The following RALY variants were observed in gnomAD, a reference collection of about 807,000 sequenced individuals.
RALY encodes the protein RALY heterogeneous nuclear ribonucleoprotein.
A neutral mutation model predicts 30.7 loss-of-function variants in RALY; 15 were observed. The ratio of observed to expected loss-of-function variants is 0.49; its 90% CI spans 0.33 to 0.75. The LOEUF (loss-of-function observed/expected upper bound fraction) is 0.75, where lower values mean the gene tolerates loss of function less well. RALY is among the 30% of genes least tolerant of loss of function. The pLI is 0.02. For missense variants in RALY, 339 were observed against 414.3 expected, an observed-to-expected ratio of 0.82 and a Z score of 1.58; for synonymous variants, 177 against 170.8, an observed-to-expected ratio of 1.04 and a Z score of -0.28.
chr20:34,044,027 G>A (rs753293847), intron 2 of RALY, among the ~76,000 whole-genome samples: 4 of 151,928 alleles, frequency 2.6e-5, no homozygotes, highest in Admixed American at 2.6e-4. Flanking sequence ...AATTATGAAG[G>A]GGAGACTGTA....
intron 2 of RALY, among the ~76,000 whole-genome samples, chr20:34,035,821 G>T (rs917010698): frequency 1.3e-5 from 2 of 152,152 alleles, no homozygotes; most frequent in African/African-American, 4.8e-5. Context: ...AAATAGCAGG[G>T]TAAGGGAATA....
At chr20:34,019,408 A>C (rs1189473539) in intron 1 of RALY, among the ~76,000 whole-genome samples, 5 of 152,032 alleles carry the variant, frequency 3.3e-5, no homozygotes, top group Non-Finnish European at 5.9e-5. Flanking sequence ...CAACCTAGTG[A>C]GATGCCTGGT....
In RALY at chr20:34,020,114, A is replaced by G. The variant is rs185032389; in HGVS notation, c.-92-11408A>G. Among the ~76,000 whole-genome samples, 19 of 152,322 alleles carry G rather than the reference A, an allele frequency of 1.2e-4. No individual in the cohort carries two copies. The East Asian group carries it at 1.3e-3, about 11-fold the overall frequency. ...GTGTACCAGGTTCTGAAAATAGTGT[A>G]TAGACATATGAAACACAGTTCCTGT... On this transcript the variant is annotated intron_variant, in intron 1 of 9. Coordinates refer to ENST00000246194, the MANE Select transcript of RALY (RefSeq NM_016732.3).
intron 1 of RALY, among the ~76,000 whole-genome samples, chr20:34,003,848 C>G (rs2031038080): frequency 1.3e-5 from 2 of 151,928 alleles, no homozygotes; most frequent in African/African-American, 2.4e-5. Flanking sequence ...ACCGTTTTAG[C>G]CGGGATGGTC....
chr20:34,076,254 A>C (rs1347774479), intron 6 of RALY: 2 of 644,124 alleles, frequency 3.1e-6, no homozygotes, highest in Non-Finnish European at 5.2e-6. Flanking sequence ...CCAGTGCTGG[A>C]TATGGTGCCC....
chr20:34,003,765 A>G (rs978839757), intron 1 of RALY, among the ~76,000 whole-genome samples: 2 of 145,254 alleles, frequency 1.4e-5, no homozygotes, highest in African/African-American at 5.2e-5. Context: ...TCAGCCTCCC[A>G]AGTAGCTGGG....
Position 34,022,845 on chromosome 20 carries a change from C to G in RALY, c.-92-8677C>G, listed in dbSNP as rs138872478. ...CACTTTTTGGGACTTGGGATTTCTT[C>G]TCTAAGCCTCCAGCTTCATAGCATA... On this transcript the variant is annotated intron_variant, in intron 1 of 9. Transcript: ENST00000246194. Among the ~76,000 whole-genome samples, 232 of 152,364 alleles carry G rather than the reference C, an allele frequency of 1.5e-3. No individual in the cohort carries two copies. The Middle Eastern group carries it at 0.017, about 11-fold the overall frequency.
intron 1 of RALY, among the ~76,000 whole-genome samples, chr20:34,015,504 A>G (rs1357016109): frequency 6.6e-6 from 1 of 152,092 alleles, no homozygotes; most frequent in Non-Finnish European, 1.5e-5. Context: ...TTTAACTCCA[A>G]ATAACACCTC....
At chr20:34,018,454 G>T (rs1026665967) in intron 1 of RALY, among the ~76,000 whole-genome samples, 2 of 152,112 alleles carry the variant, frequency 1.3e-5, no homozygotes, top group African/African-American at 2.4e-5. Context: ...GCTTCACACA[G>T]CCTGCCCCTC....
rs113571850 is a variant in RALY at position 34,082,527 on chromosome 20, G to C, written c.*2622G>C. The C allele has an allele frequency of 6.6e-6, 1 of 152,240 alleles. No individual in the cohort carries two copies. Among genetic ancestry groups the C allele is most frequent in the Admixed American group, 6.5e-5 (1 of 15,276 alleles). 9.4% of individuals were successfully genotyped at this position (152,240 alleles called of 1,614,324 possible). On this transcript the variant is annotated 3_prime_UTR_variant, in exon 10 of 10. Transcript: ENST00000246194. ...CTTAGTATGCCAGGCTTGGAGAACC[G>C]TGAGAAAAGCAGGGAAGATACCTTC... is the stretch of plus-strand genomic sequence containing the variant.
chr20:34,056,055 G>T lies in RALY; in HGVS notation c.-9-16011G>T, dbSNP rs1159368341. Reference sequence around the variant, plus strand: ...GTGCCTCCTTACTGAGCACTGGGCTGCGTACAACATCAGAACGGGTGATGG... The same window carrying T: ...GTGCCTCCTTACTGAGCACTGGGCTTCGTACAACATCAGAACGGGTGATGG... On this transcript the variant is annotated intron_variant, in intron 2 of 9. Coordinates refer to ENST00000246194, the MANE Select transcript of RALY (RefSeq NM_016732.3). Among the ~76,000 whole-genome samples, 3 of 152,180 alleles carry T rather than the reference G, an allele frequency of 2.0e-5. No homozygotes were observed. In the East Asian group the frequency reaches 5.8e-4, roughly 29 times the overall value.
intron 2 of RALY, among the ~76,000 whole-genome samples, chr20:34,038,178 CT>C (rs1345121127): frequency 2.0e-5 from 3 of 152,138 alleles, no homozygotes; most frequent in African/African-American, 4.8e-5. Flanking sequence ...AAAGAAGATC[CT>C]TTTGTCCCTT....
chr20:33,996,792 T>C (rs1292204389), intron 1 of RALY, among the ~76,000 whole-genome samples: 1 of 152,044 alleles, frequency 6.6e-6, no homozygotes, highest in Non-Finnish European at 1.5e-5. Context: ...CCCCCTTCCC[T>C]CCTCCCTCCA....
In RALY at chr20:34,066,536, C is replaced by A. The variant is rs578237468; in HGVS notation, c.-9-5530C>A. Among the ~76,000 whole-genome samples the A allele has an allele frequency of 2.0e-5, 3 of 152,258 alleles. No individual in the cohort carries two copies. In the South Asian group the frequency reaches 6.2e-4, roughly 32 times the overall value. ...CTGTGTTCGCACATGATAGAAGACA[C>A]AAAGTAGCTCTCTGGGCCTCTTATT... On this transcript the variant is annotated intron_variant, in intron 2 of 9. Transcript: ENST00000246194.
intron 2 of RALY, among the ~76,000 whole-genome samples, chr20:34,056,663 A>G (rs2033253978): frequency 6.6e-6 from 1 of 152,244 alleles, no homozygotes; most frequent in South Asian, 2.1e-4. Flanking sequence ...AAAAGCTAGT[A>G]AACACAGTAG....
At chr20:34,004,196 G>A (rs2031056989) in intron 1 of RALY, among the ~76,000 whole-genome samples, 1 of 152,240 alleles carries the variant, frequency 6.6e-6, no homozygotes, top group East Asian at 1.9e-4. Flanking sequence ...CAGAGGGGGA[G>A]TTCCCAAGGA....
chr20:34,039,364 C>T (rs2032613430), intron 2 of RALY, among the ~76,000 whole-genome samples: 1 of 152,200 alleles, frequency 6.6e-6, no homozygotes. Flanking sequence ...AGACATAGGA[C>T]CCAGATTGTG....
chr20:34,072,133 A>C lies in RALY; in HGVS notation c.59A>C (p.Asn20Thr). The C allele has an allele frequency of 6.2e-7, 1 of 1,614,186 alleles. No homozygotes were observed. Among genetic ancestry groups the C allele is most frequent in the Non-Finnish European group, 8.5e-7 (1 of 1,180,032 alleles). Residue 20 changes from asparagine (N) to threonine (T), a missense_variant, in exon 3 of 10, where the codon AAC becomes ACC. By Grantham distance (65) the Asn-to-Thr change is moderately conservative (BLOSUM62 0). This residue lies in a region of RALY where 71 missense variants were observed against 133.7 expected (regional missense o/e 0.53). Coordinates refer to ENST00000246194, the MANE Select transcript of RALY (RefSeq NM_016732.3). Reference sequence around the variant, plus strand: ...AACAAGAATGACCCCAAGTCCATCAACTCTCGAGTCTTCATTGGAAACCTC... The same window carrying C: ...AACAAGAATGACCCCAAGTCCATCACCTCTCGAGTCTTCATTGGAAACCTC... ...VTNKNDPKSI[N>T]SRVFIGNLNT...
At chr20:34,057,352 AAATTATTG>A (rs1280711496) in intron 2 of RALY, among the ~76,000 whole-genome samples, 1 of 152,228 alleles carries the variant, frequency 6.6e-6, no homozygotes, top group Non-Finnish European at 1.5e-5. Flanking sequence ...ATTCTTACCC[AAATTATTG>A]GTTAAGAATT....
Sources: allele counts gnomAD v4.1 joint callset (sites outside exome capture counted in the v4.1 genomes callset), GRCh38; gene constraint gnomAD v4.1.1; regional missense constraint gnomAD v4.1.1; transcripts MANE v1.5; gene names NCBI Gene and HGNC (gene_info 2026-07-23, HGNC 2026-07-21).